Variants in PLXNA4 observed in about 807,000 individuals in gnomAD.
PLXNA4 encodes the protein plexin-A4.
Under a neutral mutation model 191.8 loss-of-function variants are expected in PLXNA4, and 44 were observed. That is an observed-to-expected ratio of 0.23 (90% CI 0.18 to 0.29). PLXNA4 has a LOEUF of 0.29. PLXNA4 is among the 10% of genes least tolerant of loss of function. PLXNA4 has a pLI of 1.00. For missense variants in PLXNA4, 1,800 were observed against 2,488.8 expected (o/e 0.72, Z 5.89); for synonymous variants, 1,082 against 1,009.5 (o/e 1.07, Z -1.36).
intron 3 of PLXNA4, among the ~76,000 whole-genome samples, chr7:132,342,749 C>A (rs775935810): frequency 6.6e-6 from 1 of 152,018 alleles, no homozygotes; most frequent in African/African-American, 2.4e-5. Flanking sequence ...GAGTTCGAGA[C>A]CAACCTGGCC....
chr7:132,366,857 G>C (rs954720772), intron 3 of PLXNA4, among the ~76,000 whole-genome samples: 1 of 152,170 alleles, frequency 6.6e-6, no homozygotes, highest in Non-Finnish European at 1.5e-5. Context: ...AAACTCTTGG[G>C]ATTAAGTGAT....
intron 3 of PLXNA4, among the ~76,000 whole-genome samples, chr7:132,390,402 C>A (rs1585070664): frequency 6.6e-6 from 1 of 151,976 alleles, no homozygotes; most frequent in African/African-American, 2.4e-5. Flanking sequence ...TAACATCACA[C>A]ACTGGGGCCT....
chr7:132,562,620 TTCC>T (rs1366557660), intron 1 of PLXNA4, among the ~76,000 whole-genome samples: 14 of 65,474 alleles, frequency 2.1e-4, no homozygotes, highest in Admixed American at 1.3e-3. Context: ...TCTCCTCCTC[TTCC>T]TCCTCCTTCT....
intron 31 of PLXNA4, among the ~76,000 whole-genome samples, chr7:132,132,513 T>C (rs553698280): frequency 7.0e-5 from 9 of 128,664 alleles, no homozygotes; most frequent in Non-Finnish European, 1.2e-4. Flanking sequence ...TTCTATTCTA[T>C]TCTATTCTAT....
intron 3 of PLXNA4, among the ~76,000 whole-genome samples, chr7:132,302,772 A>G (rs1036596209): frequency 6.6e-6 from 1 of 152,042 alleles, no homozygotes; most frequent in East Asian, 1.9e-4. Context: ...GTTGAGATGA[A>G]AGAAGACACA....
At chr7:132,284,968 G>A (rs1326190355) in intron 4 of PLXNA4, among the ~76,000 whole-genome samples, 3 of 152,048 alleles carry the variant, frequency 2.0e-5, no homozygotes, top group Non-Finnish European at 4.4e-5. Context: ...GCCCACCTCA[G>A]CCTCCCAAAG....
In PLXNA4 at chr7:132,181,522, C is replaced by A. The variant is rs1194852432; in HGVS notation, c.3351G>T (p.Glu1117Asp). Reference protein sequence around the residue: ...HQSDLTERPEEFGFILDNVQS... With the variant: ...HQSDLTERPEDFGFILDNVQS... ...GGACGTTGTCCAGGATGAAGCCAAA[C>A]TCCTCGGGCCTCTCGGTCAGGTCTG... Residue 1117 changes from glutamate (E) to aspartate (D), a missense_variant, in exon 18 of 32, where the codon GAG becomes GAT. Around this residue, in one of 6 missense-constraint regions of PLXNA4, gnomAD observed 1,397 missense variants for 1,880.4 expected, o/e 0.74. Coordinates refer to ENST00000321063, the MANE Select transcript of PLXNA4 (RefSeq NM_020911.2). 6.2e-7 allele frequency: 1 copy of A among 1,614,194 alleles called. No homozygotes were observed. The highest frequency in any genetic ancestry group is 8.5e-7 in the Non-Finnish European group (1 of 1,180,044).
At chr7:132,537,179 C>A (rs1326423989) in intron 1 of PLXNA4, among the ~76,000 whole-genome samples, 4 of 152,152 alleles carry the variant, frequency 2.6e-5, no homozygotes, top group South Asian at 4.1e-4. Flanking sequence ...TGTCTGAGAC[C>A]ACGCCGTCCA....
Position 132,305,301 on chromosome 7 carries a change from A to C in PLXNA4, c.1372-7079T>G, listed in dbSNP as rs567670592. ...ATCATCTTGCCTGTGCCACACAGAA[A>C]CCTCCACTACAGTGTTCAGTGTGCA... On this transcript the variant is annotated intron_variant, in intron 3 of 31. Transcript: ENST00000321063. Among the ~76,000 whole-genome samples the C allele has an allele frequency of 1.6e-4, 24 of 151,574 alleles. No homozygotes were observed. The South Asian group carries it at 4.4e-3, about 28-fold the overall frequency.
At chr7:132,287,530 G>A (rs1475479322) in intron 4 of PLXNA4, among the ~76,000 whole-genome samples, 2 of 152,136 alleles carry the variant, frequency 1.3e-5, no homozygotes, top group African/African-American at 4.8e-5. Flanking sequence ...TACTAAGGAC[G>A]GGTATGAAAA....
At chr7:132,364,291 GA>G (rs757517772) in intron 3 of PLXNA4, among the ~76,000 whole-genome samples, 2 of 152,342 alleles carry the variant, frequency 1.3e-5, no homozygotes, top group East Asian at 3.9e-4. Context: ...TATTTGGATA[GA>G]AACTCAGCTT....
At chr7:132,276,232 G>A (rs960282418) in intron 4 of PLXNA4, among the ~76,000 whole-genome samples, 3 of 152,060 alleles carry the variant, frequency 2.0e-5, no homozygotes, top group African/African-American at 7.2e-5. Context: ...ATATGAGTGG[G>A]GACTTTCTAA....
chr7:132,283,693 T>G (rs1157043658), intron 4 of PLXNA4, among the ~76,000 whole-genome samples: 1 of 152,212 alleles, frequency 6.6e-6, no homozygotes, highest in Admixed American at 6.5e-5. Flanking sequence ...AAAAGATAGT[T>G]AAGTCTTTCC....
intron 3 of PLXNA4, among the ~76,000 whole-genome samples, chr7:132,348,677 G>A (rs950597826): frequency 3.3e-5 from 5 of 152,192 alleles, no homozygotes; most frequent in African/African-American, 4.8e-5. Context: ...AGGAAGCAAA[G>A]TAAGCATAGC....
intron 3 of PLXNA4, among the ~76,000 whole-genome samples, chr7:132,448,046 A>G (rs1795978861): frequency 6.6e-6 from 1 of 152,082 alleles, no homozygotes; most frequent in Admixed American, 6.6e-5. Context: ...CTCAAACAAA[A>G]AAAACGTATA....
chr7:132,274,815 C>T (rs1229844288), intron 4 of PLXNA4, among the ~76,000 whole-genome samples: 1 of 146,882 alleles, frequency 6.8e-6, no homozygotes, highest in Non-Finnish European at 1.5e-5. Context: ...ACTATGTCAC[C>T]CAGGCTGGTC....
intron 3 of PLXNA4, among the ~76,000 whole-genome samples, chr7:132,373,537 GCTTGT>G (rs1305537968): frequency 6.6e-6 from 1 of 152,300 alleles, no homozygotes; most frequent in East Asian, 1.9e-4. Flanking sequence ...CATTTTTCTG[GCTTGT>G]CTTATTTTCC....
chr7:132,378,014 A>G (rs1277169042), intron 3 of PLXNA4, among the ~76,000 whole-genome samples: 1 of 152,074 alleles, frequency 6.6e-6, no homozygotes, highest in African/African-American at 2.4e-5. Context: ...TGTTCCCCCA[A>G]ATATTGGAAG....
intron 5 of PLXNA4, among the ~76,000 whole-genome samples, chr7:132,231,649 T>C (rs1442185822): frequency 6.6e-6 from 1 of 152,184 alleles, no homozygotes; most frequent in African/African-American, 2.4e-5. Flanking sequence ...AGTCTCAAAC[T>C]CCTAAGCTAA....
Sources: allele counts gnomAD v4.1 joint callset (sites outside exome capture counted in the v4.1 genomes callset), GRCh38; gene constraint gnomAD v4.1.1; regional missense constraint gnomAD v4.1.1; transcripts MANE v1.5; gene names NCBI Gene and HGNC (gene_info 2026-07-23, HGNC 2026-07-21).